The following FSCN1 variants were observed in gnomAD, a reference collection of about 807,000 sequenced individuals.
FSCN1 encodes the protein fascin.
A neutral mutation model predicts 39.7 loss-of-function variants in FSCN1; 10 were observed. The ratio of observed to expected loss-of-function variants is 0.25; its 90% confidence interval spans 0.16 to 0.43. The LOEUF (loss-of-function observed/expected upper bound fraction) is 0.43. FSCN1 is among the 20% of genes least tolerant of loss of function. FSCN1 has a pLI of 1.00. For missense variants in FSCN1, 525 were observed against 723.8 expected (o/e 0.73, Z 3.15); for synonymous variants, 322 against 320.0 (o/e 1.01, Z -0.07).
In FSCN1 at chr7:5,593,256, C is replaced by T; in HGVS notation, c.320C>T (p.Ala107Val). ...GGTCGCTGGTCGCTGCAGTCCGAGG[C>T]GCACCGGCGCTACTTCGGCGGCACC... ...DDGRWSLQSEAHRRYFGGTED... is the reference protein window; with the variant it reads ...DDGRWSLQSEVHRRYFGGTED... The change falls in exon 1 of 5, where the codon GCG becomes GTG. Residue 107 changes from alanine (A) to valine (V), a missense_variant. Around this residue, in one of 3 missense-constraint regions of FSCN1, gnomAD observed 246 missense variants for 350.6 expected, o/e 0.70. Coordinates refer to ENST00000382361, the MANE Select transcript of FSCN1 (RefSeq NM_003088.4). 1 of 1,609,060 alleles carries T rather than the reference C, an allele frequency of 6.2e-7. No individual in the cohort carries two copies.
In FSCN1 at chr7:5,593,518, C is replaced by T. The variant is rs1283358238; in HGVS notation, c.582C>T (p.Arg194=). ...QRYSVQTADH[R]FLRHDGRLVA... is the part of the protein sequence containing the mutation. ...ACAGCGTGCAGACCGCCGACCACCG[C>T]TTCCTGCGCCACGACGGGCGCCTGG... Residue 194 remains arginine, a synonymous_variant, in exon 1 of 5, where the codon CGC becomes CGT. Coordinates refer to ENST00000382361, the MANE Select transcript of FSCN1 (RefSeq NM_003088.4). 1.9e-6 allele frequency: 3 copies of T among 1,604,644 alleles called. No homozygotes were observed. In the Admixed American group the frequency reaches 5.0e-5, roughly 27 times the overall value.
chr7:5,602,096 G>C (rs1785841837), intron 1 of FSCN1, among the ~76,000 whole-genome samples: 1 of 151,908 alleles, frequency 6.6e-6, no homozygotes, highest in African/African-American at 2.4e-5. Context: ...AGTAGAGACG[G>C]GGTGACTCCA....
chr7:5,605,410 A>G lies in FSCN1; in HGVS notation c.1418A>G (p.Asp473Gly), dbSNP rs779348989. Reference sequence around the variant, plus strand: ...GTGGGCGGGCGCTACCTGAAGGGCGACCACGCAGGCGTCCTGAAGGCCTCG... The same window carrying G: ...GTGGGCGGGCGCTACCTGAAGGGCGGCCACGCAGGCGTCCTGAAGGCCTCG... ...IKVGGRYLKGDHAGVLKASAE... is the reference protein window; with the variant it reads ...IKVGGRYLKGGHAGVLKASAE... The change falls in exon 5 of 5, where the codon GAC (aspartate) becomes GGC (glycine). Residue 473 changes from aspartate to glycine, a missense_variant. This residue lies in a region of FSCN1 where 275 missense variants were observed against 351.9 expected (regional missense o/e 0.78). Coordinates refer to ENST00000382361, the MANE Select transcript of FSCN1 (RefSeq NM_003088.4). The surrounding 1 kb of genome is among the most constrained non-coding windows in gnomAD (Gnocchi z 6.9). The G allele has an allele frequency of 1.4e-5, 23 of 1,612,614 alleles. No individual in the cohort carries two copies. Among genetic ancestry groups the G allele is most frequent in the Non-Finnish European group, 1.9e-5 (22 of 1,179,512 alleles).
Position 5,593,089 on chromosome 7 carries a change from C to G in FSCN1, c.153C>G (p.Pro51=). The part of the protein sequence containing the change: ...KKKQIWTLEQ[P]PDEAGSAAVC... ...AGCAGATCTGGACGCTGGAGCAGCC[C>G]CCTGACGAGGCGGGCAGCGCGGCCG... Residue 51 remains proline (P), a synonymous_variant, in exon 1 of 5, where the codon CCC becomes CCG. Coordinates refer to ENST00000382361, the MANE Select transcript of FSCN1 (RefSeq NM_003088.4). 1 of 1,605,952 alleles carries G rather than the reference C, an allele frequency of 6.2e-7. No homozygotes were observed. Among genetic ancestry groups the G allele is most frequent in the Non-Finnish European group, 8.5e-7 (1 of 1,177,406 alleles).
chr7:5,604,698 T>C (rs746013372), intron 4 of FSCN1, among the ~76,000 whole-genome samples: 1 of 151,980 alleles, frequency 6.6e-6, no homozygotes, highest in Non-Finnish European at 1.5e-5. Context: ...TGCAGTGGCG[T>C]TATCTCGGCT....
rs1377461491 is a variant in FSCN1, at chr7:5,594,047, C to A, written c.832+279C>A. On this transcript the variant is annotated intron_variant, in intron 1 of 4. Transcript: ENST00000382361. Reference sequence around the variant, plus strand: ...GCAACCGTACGTGCACCCTCCTAACCCCCCCCCCCGCCCAATCTTGGCTCT... The same window carrying A: ...GCAACCGTACGTGCACCCTCCTAACACCCCCCCCCGCCCAATCTTGGCTCT... 4.9e-5 allele frequency: 16 copies of A among 329,366 alleles called. No individual in the cohort carries two copies. The African/African-American group carries it at 6.1e-4, about 13-fold the overall frequency. The allele number at this position is 329,366 out of a possible 1,614,324, so 20.4% of individuals were successfully genotyped here. A position where few individuals can be genotyped will look rare whatever the true frequency, so the allele number is the denominator to read the frequency against.
At chr7:5,597,327 C>T (rs1785746859) in intron 1 of FSCN1, among the ~76,000 whole-genome samples, 1 of 152,178 alleles carries the variant, frequency 6.6e-6, no homozygotes, top group Admixed American at 6.5e-5. Context: ...CGAGATCGTG[C>T]CACTGCACTC....
Position 5,603,821 on chromosome 7 carries a change from T to C in FSCN1, c.1112-42T>C. 6.3e-7 allele frequency: 1 copy of C among 1,592,454 alleles called. No homozygotes were observed. The highest frequency in any genetic ancestry group is 8.6e-7 in the Non-Finnish European group (1 of 1,164,872). ...CTGGTCACCCCAGCCTCCACCCCAC[T>C]CCCTGCCAGGAGGCTCACTGACTCC... On this transcript the variant is annotated intron_variant, in intron 3 of 4. Transcript: ENST00000382361. The surrounding 1 kb of genome is among the most constrained non-coding windows in gnomAD (Gnocchi z 8.5).
At chr7:5,602,137 C>T (rs1785842897) in intron 1 of FSCN1, among the ~76,000 whole-genome samples, 2 of 151,682 alleles carry the variant, frequency 1.3e-5, no homozygotes, top group Non-Finnish European at 2.9e-5. Context: ...AACTCCCGAC[C>T]TCGGGTGATC....
At chr7:5,593,831 C>T in intron 1 of FSCN1, 63 bp downstream of exon 1, 1 of 1,105,010 alleles carries the variant, frequency 9.0e-7, no homozygotes, top group Non-Finnish European at 1.3e-6. Flanking sequence ...CACCCGCGCC[C>T]CTCCAGCCTC....
chr7:5,593,875 C>T, intron 1 of FSCN1, 107 bp downstream of exon 1: 1 of 784,186 alleles, frequency 1.3e-6, no homozygotes, highest in African/African-American at 1.8e-5. Context: ...CGCTGCGGTC[C>T]GGAGCACTGC....
chr7:5,593,251 C>G lies in FSCN1; in HGVS notation c.315C>G (p.Ser105=), dbSNP rs1413617204. 6.2e-7 allele frequency: 1 copy of G among 1,608,782 alleles called. No homozygotes were observed. Among genetic ancestry groups the G allele is most frequent in the Non-Finnish European group, 8.5e-7 (1 of 1,178,770 alleles). Residue 105 remains serine, a synonymous_variant, in exon 1 of 5, where the codon TCC becomes TCG. Transcript: ENST00000382361. ...AHDDGRWSLQ[S]EAHRRYFGGT... ...ACGACGGTCGCTGGTCGCTGCAGTC[C>G]GAGGCGCACCGGCGCTACTTCGGCG...
At chr7:5,596,134 A>G (rs1261066779) in intron 1 of FSCN1, among the ~76,000 whole-genome samples, 6 of 150,734 alleles carry the variant, frequency 4.0e-5, no homozygotes, top group Middle Eastern at 3.4e-3. Flanking sequence ...GGCTTTTGGG[A>G]ACTGGAGTCT....
intron 1 of FSCN1, among the ~76,000 whole-genome samples, chr7:5,600,555 G>T (rs1406894193): frequency 6.7e-6 from 1 of 149,282 alleles, no homozygotes; most frequent in Non-Finnish European, 1.5e-5. Context: ...TGCAGTGGCG[G>T]ATCTCAGCTC....
At chr7:5,601,583 A>G (rs1167708618) in intron 1 of FSCN1, among the ~76,000 whole-genome samples, 1 of 152,048 alleles carries the variant, frequency 6.6e-6, no homozygotes, top group Non-Finnish European at 1.5e-5. Flanking sequence ...TGTGTCTGTA[A>G]CCTCAGCACT....
Position 5,605,444 on chromosome 7 carries a change from C to G in FSCN1, c.1452C>G (p.Thr484=). Residue 484 remains threonine (T), a synonymous_variant, in exon 5 of 5, where the codon ACC becomes ACG. Coordinates refer to ENST00000382361, the MANE Select transcript of FSCN1 (RefSeq NM_003088.4). This position sits in a 1 kb window ranked among gnomAD's most constrained non-coding sequence, Gnocchi z 6.9. ...HAGVLKASAE[T]VDPASLWEY is the part of the protein sequence containing the mutation. ...GCGTCCTGAAGGCCTCGGCGGAAAC[C>G]GTGGACCCCGCCTCGCTCTGGGAGT... 3 of 1,598,550 alleles carry G rather than the reference C, an allele frequency of 1.9e-6. No homozygotes were observed. Among genetic ancestry groups the G allele is most frequent in the Non-Finnish European group, 2.6e-6 (3 of 1,172,790 alleles).
In FSCN1 at chr7:5,605,126, C is replaced by T; in HGVS notation, c.1280-146C>T. 5 of 634,818 alleles carry T rather than the reference C, an allele frequency of 7.9e-6. No individual in the cohort carries two copies. Among genetic ancestry groups the T allele is most frequent in the South Asian group, 5.6e-5 (3 of 53,146 alleles). 39.3% of individuals were successfully genotyped at this position (634,818 alleles called of 1,614,324 possible). A position where few individuals can be genotyped will look rare whatever the true frequency, so the allele number is the denominator to read the frequency against. On this transcript the variant is annotated intron_variant, in intron 4 of 4. Transcript: ENST00000382361. This position sits in a 1 kb window ranked among gnomAD's most constrained non-coding sequence, Gnocchi z 6.9. ...TGTCCATCATGGACAGGAGGACGTGCGGGCCATAGGGACCCTGGCTCATTC... is the reference window on the plus strand; with the variant it reads ...TGTCCATCATGGACAGGAGGACGTGTGGGCCATAGGGACCCTGGCTCATTC...
chr7:5,595,450 A>G (rs370407497), intron 1 of FSCN1, among the ~76,000 whole-genome samples: 1 of 152,134 alleles, frequency 6.6e-6, no homozygotes, highest in East Asian at 1.9e-4. Flanking sequence ...TACTAAGGGG[A>G]CCTGCTGAGC....
rs548332148 is a variant in FSCN1 at position 5,600,882 on chromosome 7, C to T, written c.833-2375C>T. Among the ~76,000 whole-genome samples, 6 of 151,668 alleles carry T rather than the reference C, an allele frequency of 4.0e-5. No homozygotes were observed. The East Asian group carries it at 1.2e-3, about 30-fold the overall frequency. ...ACCGTGTTAGGATGATCTCGATCTC[C>T]TGACCTCGTGATCCGCCTGCCTCGG... On this transcript the variant is annotated intron_variant, in intron 1 of 4. Transcript: ENST00000382361.
Sources: allele counts gnomAD v4.1 joint callset (sites outside exome capture counted in the v4.1 genomes callset), GRCh38; gene constraint gnomAD v4.1.1; regional missense constraint gnomAD v4.1.1; non-coding constraint Gnocchi (gnomAD v3.1); transcripts MANE v1.5; gene names NCBI Gene and HGNC (gene_info 2026-07-23, HGNC 2026-07-21).